CSMD1: variants seen among roughly 807,000 people sequenced by gnomAD.
CSMD1 encodes CUB and sushi domain-containing protein 1.
A neutral mutation model predicts 417.5 loss-of-function variants in CSMD1; 213 were observed. The observed-to-expected ratio is 0.51, with a 90% CI of 0.46 to 0.57. CSMD1 has a LOEUF of 0.57. CSMD1 is among the 20% of genes least tolerant of loss of function. The probability of loss-of-function intolerance (pLI) is 0.00; values close to 1 mark genes in which losing one functional copy is unlikely to be tolerated. For synonymous variants in CSMD1, 2,862 were observed against 1,736.8 expected (o/e 1.65, Z -16.11); for missense variants, 6,923 against 4,529.7 (o/e 1.53, Z -15.17).
At chr8:4,075,999 T>C (rs1799801658) in intron 3 of CSMD1, among the ~76,000 whole-genome samples, 1 of 151,906 alleles carries the variant, frequency 6.6e-6, no homozygotes, top group Admixed American at 6.6e-5. Context: ...TCTGGGAGGG[T>C]GGAGGGGGGA....
intron 4 of CSMD1, among the ~76,000 whole-genome samples, chr8:4,019,552 C>A (rs1412913898): frequency 1.3e-5 from 2 of 152,184 alleles, no homozygotes; most frequent in Non-Finnish European, 2.9e-5. Context: ...CCCTCTGTGC[C>A]TGAGCTGTCG....
At chr8:3,361,566 C>T (rs1009115356) in intron 20 of CSMD1, among the ~76,000 whole-genome samples, 7 of 147,520 alleles carry the variant, frequency 4.7e-5, no homozygotes, top group Non-Finnish European at 8.9e-5. Flanking sequence ...GCAGAAGAAT[C>T]GCTTGAACCC....
intron 4 of CSMD1, among the ~76,000 whole-genome samples, chr8:4,006,996 T>A (rs1318475025): frequency 6.6e-6 from 1 of 151,690 alleles, no homozygotes; most frequent in East Asian, 1.9e-4. Context: ...CCCGGCTAAT[T>A]TTTGTGTGTA....
At chr8:4,761,867 C>G (rs748742188) in intron 1 of CSMD1, among the ~76,000 whole-genome samples, 3 of 87,848 alleles carry the variant, frequency 3.4e-5, no homozygotes, top group Middle Eastern at 6.9e-3. Context: ...ATCTATCTAT[C>G]TATCTATCTA....
At chr8:3,825,866 C>G (rs1802028399) in intron 5 of CSMD1, among the ~76,000 whole-genome samples, 3 of 152,168 alleles carry the variant, frequency 2.0e-5, no homozygotes, top group Admixed American at 1.3e-4. Flanking sequence ...GCATTGTACA[C>G]TAGGGCAAGA....
chr8:3,284,157 G>T lies in CSMD1; in HGVS notation c.4140C>A (p.Ser1380=). 6.4e-7 allele frequency: 1 copy of T among 1,567,524 alleles called. No individual in the cohort carries two copies. The highest frequency in any genetic ancestry group is 8.6e-7 in the Non-Finnish European group (1 of 1,156,446). ...TGTGCCACCTACTGGAGAACTGGAT[G>T]GAGAAGCCAGACTTGCTGATGAAGA... ...SDFFISKSGF[S]IQFSTSIAAT... The change falls in exon 26 of 70, where the codon TCC becomes TCA. Residue 1380 remains serine, a synonymous_variant. Coordinates refer to ENST00000635120, the MANE Select transcript of CSMD1 (RefSeq NM_033225.6).
rs558123074 is a variant in CSMD1 at position 3,037,455 on chromosome 8, G to A, written c.7661-7942C>T. On this transcript the variant is annotated intron_variant, in intron 50 of 69. Transcript: ENST00000635120. Reference sequence around the variant, plus strand: ...GATCTTCTGACCTCGTGATCCGCCCGCCTCGGCCTCCCTATACCGCACTTT... The same window carrying A: ...GATCTTCTGACCTCGTGATCCGCCCACCTCGGCCTCCCTATACCGCACTTT... 4.0e-3 allele frequency among the ~76,000 whole-genome samples: 606 copies of A among 152,116 alleles called. 4 individuals carry two copies. The highest frequency in any genetic ancestry group is 6.6e-3 in the Non-Finnish European group (447 of 68,008).
intron 4 of CSMD1, among the ~76,000 whole-genome samples, chr8:4,022,180 ATG>A (rs35968906): frequency 0.36 from 49,368 of 137,580 alleles, 9,082 homozygotes; most frequent in South Asian, 0.56. Context: ...ATGTATATTT[ATG>A]TGTATATATA....
At chr8:3,285,837 TTTA>T (rs1220265848) in intron 25 of CSMD1, among the ~76,000 whole-genome samples, 23 of 151,090 alleles carry the variant, frequency 1.5e-4, no homozygotes, top group African/African-American at 3.6e-4. Flanking sequence ...ATATATATAT[TTTA>T]TTATTATTAT....
chr8:3,951,739 T>G (rs1047778462), intron 5 of CSMD1, among the ~76,000 whole-genome samples: 5 of 152,080 alleles, frequency 3.3e-5, no homozygotes, highest in African/African-American at 1.2e-4. Flanking sequence ...TGGGGGGCAT[T>G]AAAACGTAAT....
chr8:3,516,148 T>C (rs984909307), intron 10 of CSMD1, among the ~76,000 whole-genome samples: 7 of 152,200 alleles, frequency 4.6e-5, no homozygotes, highest in Non-Finnish European at 7.3e-5. Context: ...TCTATGCATT[T>C]TGATTTCAAA....
chr8:4,766,915 G>A (rs924842254), intron 1 of CSMD1, among the ~76,000 whole-genome samples: 1 of 152,034 alleles, frequency 6.6e-6, no homozygotes, highest in Non-Finnish European at 1.5e-5. Context: ...TGAAGATTAG[G>A]CCCTATTAAA....
chr8:4,806,107 A>G lies in CSMD1; in HGVS notation c.86-168549T>C, dbSNP rs1798570298. ...CAATCTCTAATTTTAAAATGAACCC[A>G]GCAAAAACGTTTAATTACCTAACTT... On this transcript the variant is annotated intron_variant, in intron 1 of 69. Transcript: ENST00000635120. Among the ~76,000 whole-genome samples the G allele has an allele frequency of 1.3e-5, 2 of 152,192 alleles. 1 individual carries two copies.
At chr8:3,337,727 C>A (rs889182602) in intron 23 of CSMD1, among the ~76,000 whole-genome samples, 1 of 152,180 alleles carries the variant, frequency 6.6e-6, no homozygotes, top group African/African-American at 2.4e-5. Context: ...GGGCACTGAT[C>A]ACACATTCAC....
intron 2 of CSMD1, among the ~76,000 whole-genome samples, chr8:4,537,605 T>A (rs913974955): frequency 1.3e-5 from 2 of 152,200 alleles, no homozygotes; most frequent in Admixed American, 1.3e-4. Flanking sequence ...TTCTCGGACC[T>A]ACTGTTATCT....
At chr8:3,530,929 T>A (rs867009174) in intron 10 of CSMD1, among the ~76,000 whole-genome samples, 22 of 150,906 alleles carry the variant, frequency 1.5e-4, no homozygotes, top group South Asian at 2.1e-4. Flanking sequence ...ACGATCTCAC[T>A]GCAACCTCCA....
chr8:4,420,105 T>C (rs1262588727), intron 2 of CSMD1, 40 bp from the exon 3 acceptor site: 1 of 1,439,312 alleles, frequency 6.9e-7, no homozygotes, highest in Non-Finnish European at 9.5e-7. Flanking sequence ...GTTAAAAGCA[T>C]GAATTTGTCA....
chr8:4,226,732 T>G (rs1188228691), intron 3 of CSMD1, among the ~76,000 whole-genome samples: 3 of 152,206 alleles, frequency 2.0e-5, no homozygotes, highest in Non-Finnish European at 2.9e-5. Flanking sequence ...GAGTTTTTAA[T>G]AATCAGTTAA....
chr8:4,979,810 G>C (rs1326503309), intron 1 of CSMD1, among the ~76,000 whole-genome samples: 1 of 152,160 alleles, frequency 6.6e-6, no homozygotes, highest in East Asian at 1.9e-4. Context: ...GGCTGAAGCG[G>C]GTGGATCACT....
Sources: allele counts gnomAD v4.1 joint callset (sites outside exome capture counted in the v4.1 genomes callset), GRCh38; gene constraint gnomAD v4.1.1; transcripts MANE v1.5; gene names NCBI Gene and HGNC (gene_info 2026-07-23, HGNC 2026-07-21).